The following CACNA1B variants were observed in gnomAD, a reference collection of about 807,000 sequenced individuals.
The protein encoded by CACNA1B is voltage-dependent N-type calcium channel subunit alpha-1B.
CACNA1B carries 70 observed loss-of-function variants against 247.2 expected under a neutral mutation model. The ratio of observed to expected loss-of-function variants is 0.28; its 90% CI spans 0.23 to 0.35. The LOEUF is 0.35. CACNA1B is among the 10% of genes least tolerant of loss of function. The pLI is 1.00. For synonymous variants in CACNA1B, 1,231 were observed against 1,294.4 expected (o/e 0.95, Z 1.05); for missense variants, 2,367 against 3,197.4 (o/e 0.74, Z 6.26).
chr9:137,954,901 AGGGG>A lies in CACNA1B; in HGVS notation c.1071-795_1071-792del, dbSNP rs1461463093. ...GTGTGAGAGAGAGAGAGAGAGAGAG[AGGGG>A]GAGAGAGAGAGAGAGAGAATGGCTT... On this transcript the variant is annotated intron_variant, in intron 7 of 46. Coordinates refer to ENST00000371372, the MANE Select transcript of CACNA1B (RefSeq NM_000718.4). This position sits in a 1 kb window ranked among gnomAD's most constrained non-coding sequence, Gnocchi z 4.1. Among the ~76,000 whole-genome samples, 242 of 118,660 alleles carry A rather than the reference AGGGG, an allele frequency of 2.0e-3. 2 individuals are homozygous for A. Among genetic ancestry groups the A allele is most frequent in the East Asian group, 0.011 (30 of 2,720 alleles). The allele number at this position is 118,660 out of a possible 152,430, so 77.8% of individuals were successfully genotyped here.
At chr9:138,022,872 G>A in intron 18 of CACNA1B, 139 bp from the exon 19 acceptor site, 3 of 1,134,366 alleles carry the variant, frequency 2.6e-6, no homozygotes, top group African/African-American at 3.3e-5. Context: ...CGCGTCCCCC[G>A]AGGGGTGTGG....
At chr9:137,922,776 CCCAGTGGTGACAA>C (rs1328175165) in intron 6 of CACNA1B, among the ~76,000 whole-genome samples, 1 of 152,092 alleles carries the variant, frequency 6.6e-6, no homozygotes, top group African/African-American at 2.4e-5. Flanking sequence ...ACCCTTTTCT[CCCAGTGGTGACAA>C]CCTGCAAAAC....
chr9:137,905,182 G>T (rs1228784087), intron 3 of CACNA1B, among the ~76,000 whole-genome samples: 1 of 152,012 alleles, frequency 6.6e-6, no homozygotes, highest in African/African-American at 2.4e-5. Context: ...GTGAAACCCC[G>T]TCTCTACTAA....
At position 138,043,755 on chromosome 9, in the gene CACNA1B, G is replaced by A. The variant is rs371151522; in HGVS notation, c.3287-19G>A. ...CATGTGCACTACACCCCTTACTCGG[G>A]GGCCCTGTGTCCTTGTAGGTGGTAA... On this transcript the variant is annotated intron_variant, in intron 20 of 46. Coordinates refer to ENST00000371372, the MANE Select transcript of CACNA1B (RefSeq NM_000718.4). 1 of 1,613,846 alleles carries A rather than the reference G, an allele frequency of 6.2e-7. No homozygotes were observed. Among genetic ancestry groups the A allele is most frequent in the South Asian group, 1.1e-5 (1 of 91,070 alleles).
At chr9:138,053,695 A>T (rs1272658902) in intron 25 of CACNA1B, 151 bp from the exon 26 acceptor site, 1 of 153,672 alleles carries the variant, frequency 6.5e-6, no homozygotes, top group African/African-American at 6.3e-5. Context: ...TCATGGCCCC[A>T]CCCATTCCCT....
At chr9:138,061,145 A>T (rs1959708117) in intron 31 of CACNA1B, among the ~76,000 whole-genome samples, 1 of 152,212 alleles carries the variant, frequency 6.6e-6, no homozygotes, top group African/African-American at 2.4e-5. Flanking sequence ...GATTCCCAGA[A>T]TTATGCAGTG....
intron 3 of CACNA1B, among the ~76,000 whole-genome samples, chr9:137,905,182 G>A (rs1228784087): frequency 3.3e-5 from 5 of 151,894 alleles, no homozygotes; most frequent in African/African-American, 9.7e-5. Flanking sequence ...GTGAAACCCC[G>A]TCTCTACTAA....
intron 10 of CACNA1B, among the ~76,000 whole-genome samples, chr9:137,961,015 A>G (rs992506868): frequency 2.0e-5 from 3 of 152,046 alleles, no homozygotes; most frequent in African/African-American, 7.2e-5. Flanking sequence ...TCTTTTGAGA[A>G]GTGTCCGTTC....
chr9:138,113,580 CG>C (rs1961740911), intron 40 of CACNA1B, among the ~76,000 whole-genome samples: 5 of 68,926 alleles, frequency 7.3e-5, no homozygotes, highest in Admixed American at 1.7e-4. Context: ...CTGCATCTTG[CG>C]GGAGACGTGA....
Position 137,955,723 on chromosome 9 carries a change from G to C in CACNA1B, c.1096G>C (p.Val366Leu). The C allele has an allele frequency of 6.2e-7, 1 of 1,612,808 alleles. No individual in the cohort carries two copies. The highest frequency in any genetic ancestry group is 8.5e-7 in the Non-Finnish European group (1 of 1,179,404). ...GGAGTTTGCCAAGGAGCGAGAGAGG[G>C]TGGAGAACCGCCGCGCCTTCCTGAA... is the stretch of plus-strand genomic sequence containing the variant. ...SGEFAKERER[V>L]ENRRAFLKLR... Residue 366 changes from valine to leucine, a missense_variant, in exon 8 of 47, where the codon GTG (valine) becomes CTG (leucine). Physicochemically the swap from Val to Leu is conservative, Grantham distance 32. Around this residue, in one of 12 missense-constraint regions of CACNA1B, gnomAD observed 219 missense variants for 297.6 expected, o/e 0.74. Coordinates refer to ENST00000371372, the MANE Select transcript of CACNA1B (RefSeq NM_000718.4). This position sits in a 1 kb window ranked among gnomAD's most constrained non-coding sequence, Gnocchi z 6.9.
intron 31 of CACNA1B, among the ~76,000 whole-genome samples, chr9:138,065,147 G>C (rs1397496213): frequency 1.3e-5 from 2 of 152,156 alleles, no homozygotes; most frequent in Non-Finnish European, 2.9e-5. Flanking sequence ...CTGAGTCATG[G>C]GAGAAAGCTC....
rs1007707315 is a variant in CACNA1B at position 137,913,893 on chromosome 9, G to A, written c.622+622G>A. Among the ~76,000 whole-genome samples, 3 of 152,200 alleles carry A rather than the reference G, an allele frequency of 2.0e-5. No individual in the cohort carries two copies. The highest frequency in any genetic ancestry group is 6.5e-5 in the Admixed American group (1 of 15,288). ...TCCTGAGGCCACTGAGGGAAGACCC[G>A]TGATTGGCTCCCTGTTCTACCCTGA... On this transcript the variant is annotated intron_variant, in intron 4 of 46. Coordinates refer to ENST00000371372, the MANE Select transcript of CACNA1B (RefSeq NM_000718.4). The surrounding 1 kb of genome is among the most constrained non-coding windows in gnomAD (Gnocchi z 5.2).
At chr9:138,085,481 G>C (rs1960664903) in intron 36 of CACNA1B, among the ~76,000 whole-genome samples, 1 of 151,166 alleles carries the variant, frequency 6.6e-6, no homozygotes, top group African/African-American at 2.4e-5. Context: ...AGTAATAGCT[G>C]GAAAATTCCC....
intron 37 of CACNA1B, among the ~76,000 whole-genome samples, chr9:138,098,589 C>T (rs1028230438): frequency 6.6e-6 from 1 of 152,148 alleles, no homozygotes; most frequent in African/African-American, 2.4e-5. Context: ...AGTCAGCCGC[C>T]GGCAAGAGCA....
intron 35 of CACNA1B, 109 bp downstream of exon 35, chr9:138,076,019 C>T (rs1434416394): frequency 7.0e-6 from 5 of 717,696 alleles, no homozygotes; most frequent in Non-Finnish European, 1.2e-5. Flanking sequence ...ACTTCTAATT[C>T]CCCGACCCCA....
At chr9:138,038,103 T>A (rs1385899320) in intron 20 of CACNA1B, among the ~76,000 whole-genome samples, 5 of 152,222 alleles carry the variant, frequency 3.3e-5, no homozygotes, top group Non-Finnish European at 5.9e-5. Flanking sequence ...AATGCCCTAT[T>A]AACAAATAGG....
rs548537289 is a variant in CACNA1B, at chr9:137,935,164, G to GCATATGTATACCTGTGGCATA, written c.967-17090_967-17089insACATATGTATACCTGTGGCAT. 6.6e-5 allele frequency among the ~76,000 whole-genome samples: 10 copies of GCATATGTATACCTGTGGCATA among 152,160 alleles called. No homozygotes were observed. The East Asian group carries it at 1.9e-3, about 29-fold the overall frequency. On this transcript the variant is annotated intron_variant, in intron 6 of 46. Coordinates refer to ENST00000371372, the MANE Select transcript of CACNA1B (RefSeq NM_000718.4). ...CATGTGCACAACGTGCAGATTTGTT[G>GCATATGTATACCTGTGGCATA]CATATGTATACCTGTGGCATGTTGG...
Position 138,078,108 on chromosome 9 carries a change from TCTC to T in CACNA1B, c.4950-5_4950-3del, listed in dbSNP as rs1213900576. ...GTGGGCCTCACAACTCTGCCCTTCT[TCTC>T]AGGAGCGCCACGGGGGAGGCCTGGC... On this transcript the variant is annotated splice_polypyrimidine_tract_variant and splice_region_variant and intron_variant, in intron 35 of 46. Coordinates refer to ENST00000371372, the MANE Select transcript of CACNA1B (RefSeq NM_000718.4). The T allele has an allele frequency of 1.2e-6, 2 of 1,613,212 alleles. No individual in the cohort carries two copies. Among genetic ancestry groups the T allele is most frequent in the East Asian group, 2.2e-5 (1 of 44,840 alleles).
chr9:138,057,750 T>C lies in CACNA1B; in HGVS notation c.3987T>C (p.Tyr1329=), dbSNP rs771494447. 5 of 1,612,340 alleles carry C rather than the reference T, an allele frequency of 3.1e-6. No individual in the cohort carries two copies. Among genetic ancestry groups the C allele is most frequent in the Non-Finnish European group, 4.2e-6 (5 of 1,178,812 alleles). ...TTCCTAGGGGTCAGTATTTGGATTA[T>C]GAGAAGGAGGAAGTGGAAGCTCAGC... is the stretch of plus-strand genomic sequence containing the variant. ...ERDCRGQYLD[Y]EKEEVEAQPR... is the part of the protein sequence containing the mutation. Residue 1329 remains tyrosine, a synonymous_variant, in exon 27 of 47, where the codon TAT becomes TAC. Coordinates refer to ENST00000371372, the MANE Select transcript of CACNA1B (RefSeq NM_000718.4). This position sits in a 1 kb window ranked among gnomAD's most constrained non-coding sequence, Gnocchi z 4.0.
Sources: allele counts gnomAD v4.1 joint callset (sites outside exome capture counted in the v4.1 genomes callset), GRCh38; gene constraint gnomAD v4.1.1; regional missense constraint gnomAD v4.1.1; non-coding constraint Gnocchi (gnomAD v3.1); transcripts MANE v1.5; gene names NCBI Gene and HGNC (gene_info 2026-07-23, HGNC 2026-07-21).